CFAP54: variants seen among roughly 807,000 people sequenced by gnomAD.
CFAP54 encodes cilia- and flagella-associated protein 54.
A neutral mutation model predicts 370.4 loss-of-function variants in CFAP54; 290 were observed. That is an observed-to-expected ratio of 0.78 (90% confidence interval 0.71 to 0.86). The LOEUF (loss-of-function observed/expected upper bound fraction) is 0.86, where lower values mean the gene tolerates loss of function less well. CFAP54 is among the 40% of genes least tolerant of loss of function. The probability of loss-of-function intolerance (pLI) is 0.00; values close to 1 mark genes in which losing one functional copy is unlikely to be tolerated. For synonymous variants in CFAP54, 1,206 were observed against 1,236.5 expected (o/e 0.98, Z 0.52); for missense variants, 3,399 against 3,528.7 (o/e 0.96, Z 0.93).
At chr12:96,621,518 G>C (rs1956488329) in intron 26 of CFAP54, 72 bp from the exon 27 acceptor site, 4 of 1,076,894 alleles carry the variant, frequency 3.7e-6, no homozygotes, top group South Asian at 2.8e-5. Flanking sequence ...TGAATTTATG[G>C]AAAATGATGC....
chr12:96,594,040 A>G (rs1956151128), intron 24 of CFAP54, among the ~76,000 whole-genome samples: 1 of 152,116 alleles, frequency 6.6e-6, no homozygotes, highest in African/African-American at 2.4e-5. Context: ...TAGCTTATTG[A>G]TAAAAAAACT....
chr12:96,806,646 GC>G (rs1958885925), intron 63 of CFAP54, among the ~76,000 whole-genome samples: 2 of 152,070 alleles, frequency 1.3e-5, no homozygotes, highest in South Asian at 4.2e-4. Context: ...AAAAGCAGAA[GC>G]CCAATGATCA....
At chr12:96,854,440 A>G (rs1959643240) in intron 66 of CFAP54, among the ~76,000 whole-genome samples, 1 of 151,542 alleles carries the variant, frequency 6.6e-6, no homozygotes, top group Admixed American at 6.6e-5. Flanking sequence ...GCCCCAACAT[A>G]TTTGGAAAGT....
At chr12:96,834,720 CTCT>C (rs1377508610) in intron 66 of CFAP54, among the ~76,000 whole-genome samples, 1 of 152,178 alleles carries the variant, frequency 6.6e-6, no homozygotes, top group Non-Finnish European at 1.5e-5. Context: ...AGGGCCACAG[CTCT>C]TCTCTCCTTC....
At chr12:96,599,705 T>C (rs1400246648) in intron 26 of CFAP54, among the ~76,000 whole-genome samples, 1 of 152,216 alleles carries the variant, frequency 6.6e-6, no homozygotes, top group Non-Finnish European at 1.5e-5. Flanking sequence ...CCATTCTAAC[T>C]GGTGTGAGAT....
intron 26 of CFAP54, among the ~76,000 whole-genome samples, chr12:96,614,878 A>G (rs1465404849): frequency 6.6e-6 from 1 of 152,246 alleles, no homozygotes. Flanking sequence ...AACAAATGGA[A>G]GAACATTCCA....
At chr12:96,874,612 C>A (rs12827047) in intron 67 of CFAP54, among the ~76,000 whole-genome samples, 1 of 40,070 alleles carries the variant, frequency 2.5e-5, no homozygotes, top group African/African-American at 9.6e-5. Flanking sequence ...GGGATCTCTG[C>A]TTTTTTTTAT....
intron 14 of CFAP54, among the ~76,000 whole-genome samples, chr12:96,546,069 T>C (rs1955637689): frequency 6.6e-6 from 1 of 152,156 alleles, no homozygotes; most frequent in Admixed American, 6.5e-5. Context: ...GGAACTTTAG[T>C]TTGTAGCCAG....
rs770082892 is a variant in CFAP54 at position 96,792,400 on chromosome 12, A to G, written c.8751A>G (p.Ile2917Met). 1.3e-4 allele frequency: 203 copies of G among 1,535,810 alleles called. No homozygotes were observed. The highest frequency in any genetic ancestry group is 3.9e-5 in the Admixed American group (2 of 50,970). ...KPVSGSSCVDITPIEMVTQAS... is the reference protein window; with the variant it reads ...KPVSGSSCVDMTPIEMVTQAS... ...TTTCAGGCTCATCTTGTGTGGACAT[A>G]ACGCCAATAGAAATGGTAACGCAAG... The change falls in exon 63 of 68, where the codon ATA (isoleucine) becomes ATG (methionine). Residue 2917 changes from isoleucine to methionine, a missense_variant. Physicochemically the swap from Ile to Met is conservative, Grantham distance 10. Around this residue, in one of 3 missense-constraint regions of CFAP54, gnomAD observed 2,796 missense variants for 2,869.7 expected, o/e 0.97. Coordinates refer to ENST00000524981, the MANE Select transcript of CFAP54 (RefSeq NM_001306084.2).
At chr12:96,597,378 G>T in intron 25 of CFAP54, among the ~76,000 whole-genome samples, 1 of 151,746 alleles carries the variant, frequency 6.6e-6, no homozygotes, top group East Asian at 1.9e-4. Flanking sequence ...CTGGAGGATG[G>T]TATCTCATCT....
At chr12:96,694,609 A>G (rs1957421151) in intron 45 of CFAP54, among the ~76,000 whole-genome samples, 1 of 152,152 alleles carries the variant, frequency 6.6e-6, no homozygotes, top group Non-Finnish European at 1.5e-5. Flanking sequence ...AAACAATTGA[A>G]GATAGAACAT....
intron 26 of CFAP54, among the ~76,000 whole-genome samples, chr12:96,600,559 T>G (rs1956228305): frequency 6.6e-6 from 1 of 152,206 alleles, no homozygotes; most frequent in Admixed American, 6.5e-5. Flanking sequence ...TGGCACTGAA[T>G]CTATAAATTA....
chr12:96,751,384 A>C (rs1958181455), intron 55 of CFAP54, among the ~76,000 whole-genome samples: 1 of 152,190 alleles, frequency 6.6e-6, no homozygotes. Flanking sequence ...TTTAACAAAA[A>C]TCTAGAAGAC....
intron 50 of CFAP54, among the ~76,000 whole-genome samples, chr12:96,721,913 G>A (rs146266585): frequency 5.6e-4 from 85 of 152,226 alleles, no homozygotes; most frequent in African/African-American, 2.0e-3. Flanking sequence ...GGTTGGAGGG[G>A]GACGAGTTAC....
intron 32 of CFAP54, among the ~76,000 whole-genome samples, chr12:96,641,936 T>TC (rs1555271764): frequency 5.8e-5 from 5 of 85,876 alleles, no homozygotes; most frequent in African/African-American, 9.1e-5. Flanking sequence ...TGTGGGGTGG[T>TC]GCGGGGGGGG....
intron 66 of CFAP54, among the ~76,000 whole-genome samples, chr12:96,837,806 A>C (rs2136770229): frequency 6.6e-6 from 1 of 152,334 alleles, no homozygotes; most frequent in Non-Finnish European, 1.5e-5. Flanking sequence ...GGGGTACAGA[A>C]GTAAAAGCCA....
chr12:96,495,811 T>G (rs1954947514), intron 1 of CFAP54, among the ~76,000 whole-genome samples: 1 of 152,170 alleles, frequency 6.6e-6, no homozygotes, highest in African/African-American at 2.4e-5. Context: ...AGATTTTTTC[T>G]TTCTTATTAT....
chr12:96,594,348 C>A lies in CFAP54; in HGVS notation c.3418C>A (p.Leu1140Ile). The change falls in exon 25 of 68, where the codon CTA (leucine) becomes ATA (isoleucine). Residue 1140 changes from leucine (L) to isoleucine (I), a missense_variant. By Grantham distance (5) the Leu-to-Ile change is conservative (BLOSUM62 2). Around this residue, in one of 3 missense-constraint regions of CFAP54, gnomAD observed 2,796 missense variants for 2,869.7 expected, o/e 0.97. Transcript: ENST00000524981. ...VLVALELSNFLNDSSYALQAV... is the reference protein window; with the variant it reads ...VLVALELSNFINDSSYALQAV... ...AGTGGCATTGGAACTTAGCAACTTC[C>A]TAAATGATTCCAGCTATGCCCTTCA... 1 of 1,534,722 alleles carries A rather than the reference C, an allele frequency of 6.5e-7. No individual in the cohort carries two copies. Among genetic ancestry groups the A allele is most frequent in the Non-Finnish European group, 8.7e-7 (1 of 1,145,870 alleles).
intron 50 of CFAP54, 102 bp from the exon 51 acceptor site, chr12:96,739,854 C>A (rs771309558): frequency 1.2e-5 from 8 of 688,158 alleles, no homozygotes; most frequent in Non-Finnish European, 1.9e-5. Context: ...GGGTTGTTGG[C>A]TGGGGTGTGA....
Sources: gnomAD v4.1 joint callset for allele counts (sites outside exome capture counted in the v4.1 genomes callset) on GRCh38, gnomAD v4.1.1 for gene constraint, gnomAD v4.1.1 regional missense constraint, MANE v1.5 for transcripts, NCBI Gene and HGNC (gene_info 2026-07-23, HGNC 2026-07-21) for gene names.